Variants in TRAK1 observed in about 807,000 individuals in gnomAD.
TRAK1 encodes trafficking kinesin protein 1.
In TRAK1, 33 loss-of-function variants were observed where a neutral mutation model predicts 92.1. That is an observed-to-expected ratio of 0.36 (90% CI 0.27 to 0.48). TRAK1 has a LOEUF of 0.48. TRAK1 is among the 20% of genes least tolerant of loss of function. The pLI is 0.99. For missense variants in TRAK1, 1,123 were observed against 1,257.9 expected, an observed-to-expected ratio of 0.89 and a Z score of 1.62; for synonymous variants, 521 against 517.3, an observed-to-expected ratio of 1.01 and a Z score of -0.10.
At position 42,177,360 on chromosome 3, in the gene TRAK1, G is replaced by T. The variant is rs1659844219; in HGVS notation, c.363+470G>T. On this transcript the variant is annotated intron_variant, in intron 3 of 15. Transcript: ENST00000327628. ...TTGCTTAAGATTAGGTGAGCTGCCT[G>T]TATTTTAGAGACTGTAGTTTTCTGA... 2.6e-5 allele frequency among the ~76,000 whole-genome samples: 4 copies of T among 152,332 alleles called. No homozygotes were observed. The South Asian group carries it at 8.3e-4, about 32-fold the overall frequency.
intron 1 of TRAK1, among the ~76,000 whole-genome samples, chr3:42,057,008 G>T (rs1197147195): frequency 6.6e-6 from 1 of 152,192 alleles, no homozygotes; most frequent in Non-Finnish European, 1.5e-5. Context: ...GTGCACAGCT[G>T]CCATGAATAG....
intron 1 of TRAK1, among the ~76,000 whole-genome samples, chr3:42,072,553 C>T (rs78870497): frequency 2.0e-5 from 2 of 98,282 alleles, no homozygotes; most frequent in East Asian, 2.6e-4. Context: ...CAGTGTGCAG[C>T]TTTTTTTTTT....
In TRAK1 at chr3:42,223,688, C is replaced by T. The variant is rs1344043703; in HGVS notation, c.2813C>T (p.Ser938Leu). Residue 938 changes from serine (S) to leucine (L), a missense_variant, in exon 16 of 16, where the codon TCG (serine) becomes TTG (leucine). Coordinates refer to ENST00000327628, the MANE Select transcript of TRAK1 (RefSeq NM_001042646.3). The surrounding 1 kb of genome is among the most constrained non-coding windows in gnomAD (Gnocchi z 6.1). ...ATGAAAGCTCCTGTGACTCTCACCTCGGGCATCTTGATGGGTGCTAAGCTC... is the reference window on the plus strand; with the variant it reads ...ATGAAAGCTCCTGTGACTCTCACCTTGGGCATCTTGATGGGTGCTAAGCTC... ...MQMKAPVTLT[S>L]GILMGAKLSK... The T allele has an allele frequency of 4.3e-6, 7 of 1,613,842 alleles. No homozygotes were observed. Among genetic ancestry groups the T allele is most frequent in the Non-Finnish European group, 5.9e-6 (7 of 1,179,782 alleles).
intron 1 of TRAK1, among the ~76,000 whole-genome samples, chr3:42,075,213 C>T (rs373848893): frequency 2.0e-5 from 3 of 151,722 alleles, no homozygotes; most frequent in African/African-American, 4.8e-5. Context: ...TGGTGGCTCA[C>T]GCCTATAATC....
At chr3:42,020,564 G>GT (rs1039253166) in intron 1 of TRAK1, among the ~76,000 whole-genome samples, 3 of 151,926 alleles carry the variant, frequency 2.0e-5, no homozygotes, top group Non-Finnish European at 2.9e-5. Context: ...ATGGACATTT[G>GT]TTTTTTTTCC....
At chr3:42,100,060 G>T (rs564427614) in intron 1 of TRAK1, among the ~76,000 whole-genome samples, 5 of 151,930 alleles carry the variant, frequency 3.3e-5, no homozygotes, top group Admixed American at 2.0e-4. Context: ...GGAGTTAATC[G>T]TAGGCAGAGA....
At chr3:42,092,684 T>TTGTGA in intron 1 of TRAK1, among the ~76,000 whole-genome samples, 1 of 108,942 alleles carries the variant, frequency 9.2e-6, no homozygotes, top group East Asian at 2.8e-4. Flanking sequence ...TTTTATTTTG[T>TTGTGA]TGTGTTGTGT....
chr3:42,074,114 G>T (rs866681354), intron 1 of TRAK1, among the ~76,000 whole-genome samples: 1 of 152,180 alleles, frequency 6.6e-6, no homozygotes, highest in South Asian at 2.1e-4. Context: ...TAAGAGCAGT[G>T]TTACTTAGAG....
At chr3:42,165,925 C>T (rs1701806963) in intron 2 of TRAK1, among the ~76,000 whole-genome samples, 1 of 152,036 alleles carries the variant, frequency 6.6e-6, no homozygotes, top group South Asian at 2.1e-4. Flanking sequence ...GGACAAAGAG[C>T]CTACTCACGT....
At chr3:42,157,476 A>AAAAAAT (rs1700686691) in intron 2 of TRAK1, among the ~76,000 whole-genome samples, 1 of 142,656 alleles carries the variant, frequency 7.0e-6, no homozygotes, top group Non-Finnish European at 1.5e-5. Flanking sequence ...AAAAAAAAAA[A>AAAAAAT]AAAAAAAAAA....
intron 1 of TRAK1, among the ~76,000 whole-genome samples, chr3:42,093,642 T>TCCC (rs1705417874): frequency 1.1e-5 from 1 of 93,010 alleles, no homozygotes; most frequent in African/African-American, 4.2e-5. Context: ...TCTCTTCTCT[T>TCCC]TTTTCTCCCC....
intron 1 of TRAK1, among the ~76,000 whole-genome samples, chr3:42,091,824 C>A (rs1705111722): frequency 6.6e-6 from 1 of 152,120 alleles, no homozygotes; most frequent in Non-Finnish European, 1.5e-5. Context: ...GTGCAAGTGA[C>A]ACTTGCAGGG....
chr3:42,194,665 C>T, intron 9 of TRAK1, 139 bp from the exon 10 acceptor site: 1 of 939,160 alleles, frequency 1.1e-6, no homozygotes, highest in East Asian at 2.7e-5. Context: ...GTTATTTGGC[C>T]ACAGGCGCAC....
chr3:42,017,751 A>G (rs79098599), intron 1 of TRAK1, among the ~76,000 whole-genome samples: 402 of 152,290 alleles, frequency 2.6e-3, no homozygotes, highest in South Asian at 6.8e-3. Context: ...TTTAATTATT[A>G]TTGTTAATAG....
chr3:42,143,269 T>C (rs187895799), intron 2 of TRAK1, among the ~76,000 whole-genome samples: 28 of 152,034 alleles, frequency 1.8e-4, no homozygotes, highest in African/African-American at 6.7e-4. Context: ...CTCTGTGAGG[T>C]GCTAACTTGA....
intron 1 of TRAK1, among the ~76,000 whole-genome samples, chr3:42,110,092 A>G (rs1156720534): frequency 2.7e-4 from 24 of 89,344 alleles, no homozygotes; most frequent in African/African-American, 8.5e-4. Flanking sequence ...CTAGAACTTA[A>G]AGTATATATA....
At chr3:42,077,513 T>C (rs373260815) in intron 1 of TRAK1, among the ~76,000 whole-genome samples, 1 of 152,208 alleles carries the variant, frequency 6.6e-6, no homozygotes, top group African/African-American at 2.4e-5. Flanking sequence ...GGCCTTGAAC[T>C]CCTGACCTCA....
At chr3:42,027,394 G>T (rs1701960307) in intron 1 of TRAK1, among the ~76,000 whole-genome samples, 1 of 152,008 alleles carries the variant, frequency 6.6e-6, no homozygotes, top group African/African-American at 2.4e-5. Flanking sequence ...GTGGTGGCGG[G>T]CACCTATAGT....
At chr3:42,132,960 C>T (rs549674648) in intron 2 of TRAK1, among the ~76,000 whole-genome samples, 5 of 152,326 alleles carry the variant, frequency 3.3e-5, no homozygotes, top group Admixed American at 6.5e-5. Context: ...TCCTCCTGGC[C>T]ATCCACTGGC....
Sources: gnomAD v4.1 joint callset for allele counts (sites outside exome capture counted in the v4.1 genomes callset) on GRCh38, gnomAD v4.1.1 for gene constraint, Gnocchi (gnomAD v3.1) non-coding constraint, MANE v1.5 for transcripts, NCBI Gene and HGNC (gene_info 2026-07-23, HGNC 2026-07-21) for gene names.